Variants in MAP4 observed in about 807,000 individuals in gnomAD.
MAP4 encodes the protein microtubule-associated protein 4.
A neutral mutation model predicts 170.2 loss-of-function variants in MAP4; 76 were observed. The ratio of observed to expected loss-of-function variants is 0.45; its 90% CI spans 0.37 to 0.54. The LOEUF is 0.54. Among genes scored for constraint, MAP4 ranks in the 20% least tolerant of loss-of-function variants. MAP4 has a pLI of 0.00. For missense variants in MAP4, 2,506 were observed against 2,748.0 expected (o/e 0.91, Z 1.97); for synonymous variants, 909 against 994.5 (o/e 0.91, Z 1.62).
chr3:47,901,010 C>T (rs1482828902), intron 10 of MAP4, among the ~76,000 whole-genome samples: 2 of 152,166 alleles, frequency 1.3e-5, no homozygotes, highest in African/African-American at 4.8e-5. Flanking sequence ...CCCTGTTTCC[C>T]CAAACTTGAC....
chr3:47,871,384 T>A, intron 13 of MAP4, 98 bp from the exon 14 acceptor site: 1 of 1,014,574 alleles, frequency 9.9e-7, no homozygotes, highest in Non-Finnish European at 1.6e-6. Context: ...AATTACTGAA[T>A]ATCTACTTTG....
chr3:48,087,147 T>C (rs2100149467), intron 1 of MAP4, among the ~76,000 whole-genome samples: 1 of 152,208 alleles, frequency 6.6e-6, no homozygotes. Context: ...AAACATTTCA[T>C]TTGAAAAGTA....
At chr3:48,040,743 T>C (rs1238327826) in intron 1 of MAP4, among the ~76,000 whole-genome samples, 2 of 151,774 alleles carry the variant, frequency 1.3e-5, no homozygotes, top group Non-Finnish European at 2.9e-5. Context: ...TTTGTATTTT[T>C]AGTAGAGACG....
intron 1 of MAP4, among the ~76,000 whole-genome samples, chr3:48,035,286 T>A (rs2100118254): frequency 7.4e-6 from 1 of 134,552 alleles, no homozygotes. Context: ...GACAAAATAT[T>A]AAAATTGAAG....
intron 1 of MAP4, among the ~76,000 whole-genome samples, chr3:48,067,209 A>C (rs2100138764): frequency 6.6e-6 from 1 of 152,054 alleles, no homozygotes; most frequent in African/African-American, 2.4e-5. Flanking sequence ...TTTCTCCTGG[A>C]AAGACTCTAT....
intron 2 of MAP4, among the ~76,000 whole-genome samples, chr3:47,996,388 T>C (rs568720496): frequency 2.2e-4 from 33 of 151,316 alleles, no homozygotes; most frequent in African/African-American, 7.8e-4. Context: ...AATGGGACAA[T>C]AAAAAAACAA....
chr3:47,937,415 C>T (rs1006449717), intron 3 of MAP4, among the ~76,000 whole-genome samples: 4 of 152,112 alleles, frequency 2.6e-5, no homozygotes, highest in Admixed American at 1.3e-4. Context: ...CTTGGATAAA[C>T]GCCTTTTTAA....
At chr3:48,043,632 T>C (rs2100122796) in intron 1 of MAP4, among the ~76,000 whole-genome samples, 1 of 152,356 alleles carries the variant, frequency 6.6e-6, no homozygotes, top group African/African-American at 2.4e-5. Flanking sequence ...AAAGGAAACA[T>C]ACTTTGTTAG....
At chr3:47,928,850 A>G (rs1410378779) in intron 3 of MAP4, among the ~76,000 whole-genome samples, 1 of 152,092 alleles carries the variant, frequency 6.6e-6, no homozygotes, top group Admixed American at 6.5e-5. Context: ...GCCAGCCTAA[A>G]TAAGTGGAAA....
At chr3:47,885,586 G>T (rs557093371) in intron 10 of MAP4, among the ~76,000 whole-genome samples, 25 of 152,252 alleles carry the variant, frequency 1.6e-4, no homozygotes, top group Non-Finnish European at 3.1e-4. Context: ...TTGGTAGGAG[G>T]TTTTTGTAAT....
intron 1 of MAP4, among the ~76,000 whole-genome samples, chr3:48,079,582 G>A (rs13081463): frequency 0.6 from 91,090 of 150,606 alleles, 28,697 homozygotes; most frequent in East Asian, 0.71. Context: ...CTGAACCCAG[G>A]AGGCAGAGGT....
chr3:48,010,295 C>G lies in MAP4; in HGVS notation c.-20+6039G>C, dbSNP rs560015310. ...CCAGCTATGACCACGTGACCAGCTG[C>G]AGAAATGAGGACTGTAACTGCCATG... On this transcript the variant is annotated intron_variant, in intron 1 of 20. Transcript: ENST00000683076. 8.5e-5 allele frequency among the ~76,000 whole-genome samples: 13 copies of G among 152,328 alleles called. No individual in the cohort carries two copies. In the East Asian group the frequency reaches 2.5e-3, roughly 29 times the overall value.
chr3:47,998,766 T>C lies in MAP4; in HGVS notation c.95A>G (p.Glu32Gly). Residue 32 changes from glutamate (E) to glycine (G), a missense_variant, in exon 2 of 21, where the codon GAG becomes GGG. Glu to Gly is a moderately conservative substitution (Grantham distance 98). Around this residue, in one of 3 missense-constraint regions of MAP4, gnomAD observed 2,008 missense variants for 2,206.0 expected, o/e 0.91. Coordinates refer to ENST00000683076, the MANE Select transcript of MAP4 (RefSeq NM_001385682.1). ...TTCTCCCACAACATCATCAAAGGCC[T>C]CTGCCTCTAGTGTGGCAATGAAGTC... ...KRDFIATLEA[E>G]AFDDVVGETV... 6.2e-7 allele frequency: 1 copy of C among 1,613,814 alleles called. No homozygotes were observed. Among genetic ancestry groups the C allele is most frequent in the Non-Finnish European group, 8.5e-7 (1 of 1,179,674 alleles).
intron 10 of MAP4, among the ~76,000 whole-genome samples, chr3:47,878,456 TTATAGAAA>T (rs1328256691): frequency 6.6e-6 from 1 of 152,022 alleles, no homozygotes; most frequent in African/African-American, 2.4e-5. Flanking sequence ...TGAACAGACT[TTATAGAAA>T]AGAGATACAA....
At chr3:47,899,022 G>C (rs1559964381) in intron 10 of MAP4, among the ~76,000 whole-genome samples, 1 of 152,062 alleles carries the variant, frequency 6.6e-6, no homozygotes, top group Non-Finnish European at 1.5e-5. Context: ...GTCCAAATAA[G>C]AATTACAGAC....
chr3:48,082,862 T>C (rs951373028), intron 1 of MAP4, among the ~76,000 whole-genome samples: 1 of 149,850 alleles, frequency 6.7e-6, no homozygotes, highest in Non-Finnish European at 1.5e-5. Flanking sequence ...TATTCCCAGA[T>C]ATGATGTGAC....
rs1325123783 is a variant in MAP4 at position 48,051,127 on chromosome 3, C to T, written c.-20+37646G>A. Among the ~76,000 whole-genome samples, 6 of 150,862 alleles carry T rather than the reference C, an allele frequency of 4.0e-5. No homozygotes were observed. The South Asian group carries it at 1.0e-3, about 26-fold the overall frequency. On this transcript the variant is annotated intron_variant, in intron 1 of 18. Transcript: ENST00000360240. The stretch of plus-strand genomic sequence containing the variant: ...ACACACACACACACACACACACACA[C>T]TTAGGCTGGCTGTGGTGGCTCATGC...
At chr3:48,031,534 G>C (rs2100116099) in intron 1 of MAP4, among the ~76,000 whole-genome samples, 1 of 152,090 alleles carries the variant, frequency 6.6e-6, no homozygotes, top group Non-Finnish European at 1.5e-5. Flanking sequence ...CTGGGCGACA[G>C]AGCAAGACTC....
At chr3:48,059,507 T>C (rs2154556895) in intron 1 of MAP4, among the ~76,000 whole-genome samples, 1 of 94,248 alleles carries the variant, frequency 1.1e-5, no homozygotes. Context: ...AGAGCAAGAC[T>C]CCATCTCAAA....
Sources: allele counts gnomAD v4.1 joint callset (sites outside exome capture counted in the v4.1 genomes callset), GRCh38; gene constraint gnomAD v4.1.1; regional missense constraint gnomAD v4.1.1; transcripts MANE v1.5; gene names NCBI Gene and HGNC (gene_info 2026-07-23, HGNC 2026-07-21).